Variants in SNTG1 observed in about 807,000 individuals in gnomAD.
SNTG1 encodes syntrophin gamma 1.
SNTG1 carries 39 observed loss-of-function variants against 74.7 expected under a neutral mutation model. The ratio of observed to expected loss-of-function variants is 0.52; its 90% CI spans 0.40 to 0.68. The LOEUF (loss-of-function observed/expected upper bound fraction) is 0.68, where lower values mean the gene tolerates loss of function less well. Among genes scored for constraint, SNTG1 ranks in the 30% least tolerant of loss-of-function variants. The pLI, the probability that SNTG1 is intolerant of heterozygous loss-of-function variation, is 0.00. For missense variants in SNTG1, 685 were observed against 609.5 expected (o/e 1.12, Z -1.30); for synonymous variants, 254 against 217.1 (o/e 1.17, Z -1.49).
At chr8:50,105,279 A>G (rs1273434674) in intron 1 of SNTG1, among the ~76,000 whole-genome samples, 1 of 152,150 alleles carries the variant, frequency 6.6e-6, no homozygotes, top group Non-Finnish European at 1.5e-5. Context: ...TCATTTATTG[A>G]ATAGGAAGTT....
At position 50,150,612 on chromosome 8, in the gene SNTG1, G is replaced by T. The variant is rs554584551; in HGVS notation, c.-102-21949G>T. ...AGAGTTTTTAGCATGAAGGGTTGTT[G>T]AATTTTGTCAAAGGCCTTTTCTGCA... On this transcript the variant is annotated intron_variant, in intron 1 of 18. Coordinates refer to ENST00000642720, the MANE Select transcript of SNTG1 (RefSeq NM_018967.5). 1.2e-3 allele frequency among the ~76,000 whole-genome samples: 184 copies of T among 152,260 alleles called. 2 individuals are homozygous for T. The highest frequency in any genetic ancestry group is 4.2e-3 in the African/African-American group (176 of 41,556).
intron 1 of SNTG1, among the ~76,000 whole-genome samples, chr8:50,105,134 G>A (rs533715499): frequency 1.3e-5 from 2 of 151,940 alleles, no homozygotes; most frequent in Non-Finnish European, 2.9e-5. Context: ...CCATTCCTAG[G>A]TTACTTTCCA....
chr8:50,081,017 A>G (rs1316530390), intron 1 of SNTG1, among the ~76,000 whole-genome samples: 1 of 152,152 alleles, frequency 6.6e-6, no homozygotes, highest in African/African-American at 2.4e-5. Flanking sequence ...AACTCCAATT[A>G]CAGTGTCATG....
rs1338841924 is a variant in SNTG1, at chr8:50,793,989, T to C, written c.*1160T>C. Reference sequence around the variant, plus strand: ...AATGTAAATGTGAAAGGCTGGGAAATTTGAAAGCCTTAGAGGTGTGCAATT... The same window carrying C: ...AATGTAAATGTGAAAGGCTGGGAAACTTGAAAGCCTTAGAGGTGTGCAATT... On this transcript the variant is annotated 3_prime_UTR_variant, in exon 19 of 19. Coordinates refer to ENST00000642720, the MANE Select transcript of SNTG1 (RefSeq NM_018967.5). 6 of 151,850 alleles carry C rather than the reference T, an allele frequency of 4.0e-5. No individual in the cohort carries two copies. The highest frequency in any genetic ancestry group is 7.4e-5 in the Non-Finnish European group (5 of 67,880). The allele number at this position is 151,850 out of a possible 1,614,324, so 9.4% of individuals were successfully genotyped here.
intron 3 of SNTG1, among the ~76,000 whole-genome samples, chr8:50,394,536 G>C (rs1026692863): frequency 7.9e-5 from 12 of 152,226 alleles, no homozygotes; most frequent in African/African-American, 2.9e-4. Context: ...GCACATTTCA[G>C]GTAGTGGAAG....
intron 12 of SNTG1, among the ~76,000 whole-genome samples, chr8:50,561,556 T>C (rs1245195672): frequency 1.3e-5 from 2 of 152,120 alleles, no homozygotes; most frequent in African/African-American, 4.8e-5. Context: ...TAAAAAAGTT[T>C]AATGCACTAG....
At chr8:50,108,274 C>G (rs2080455824) in intron 1 of SNTG1, among the ~76,000 whole-genome samples, 1 of 152,128 alleles carries the variant, frequency 6.6e-6, no homozygotes, top group Non-Finnish European at 1.5e-5. Context: ...ATTTATTAGA[C>G]TTGACATGCT....
intron 18 of SNTG1, among the ~76,000 whole-genome samples, chr8:50,791,482 C>T (rs375829809): frequency 5.3e-5 from 8 of 151,768 alleles, no homozygotes; most frequent in African/African-American, 9.6e-5. Flanking sequence ...TATGGGGTAT[C>T]GTACTCCTGT....
intron 12 of SNTG1, among the ~76,000 whole-genome samples, chr8:50,558,942 A>G (rs1211953526): frequency 1.3e-5 from 2 of 152,198 alleles, no homozygotes; most frequent in Non-Finnish European, 2.9e-5. Flanking sequence ...TGTGTCAGAT[A>G]CTGTGTTCTA....
intron 15 of SNTG1, among the ~76,000 whole-genome samples, chr8:50,660,263 A>AAAGAAGGAAGGAAAGAAGGAGGGAAG: frequency 7.0e-6 from 1 of 143,548 alleles, no homozygotes; most frequent in African/African-American, 2.9e-5. Flanking sequence ...GGAGGGAAGG[A>AAAGAAGGAAGGAAAGAAGGAGGGAAG]GAGAGAGAGA....
At chr8:50,001,362 C>G (rs528478855) in intron 1 of SNTG1, among the ~76,000 whole-genome samples, 1 of 152,128 alleles carries the variant, frequency 6.6e-6, no homozygotes, top group Admixed American at 6.5e-5. Context: ...TTTCTCAGGA[C>G]AGCACTTTTA....
rs541010459 is a variant in SNTG1 at position 50,217,876 on chromosome 8, G to A, written c.-28+45241G>A. On this transcript the variant is annotated intron_variant, in intron 2 of 18. Coordinates refer to ENST00000642720, the MANE Select transcript of SNTG1 (RefSeq NM_018967.5). ...GATGTGAGGATGAGGAGGAAAGACT[G>A]TAGACTGCATTCATTCTGAGCCATG... Among the ~76,000 whole-genome samples, 30 of 152,266 alleles carry A rather than the reference G, an allele frequency of 2.0e-4. 1 individual carries two copies. The South Asian group carries it at 6.2e-3, about 32-fold the overall frequency.
chr8:50,697,768 G>T (rs2095410245), intron 15 of SNTG1, among the ~76,000 whole-genome samples: 1 of 152,082 alleles, frequency 6.6e-6, no homozygotes, highest in East Asian at 1.9e-4. Context: ...AATCATTCTT[G>T]CATCTCTGGT....
chr8:50,588,961 AGTT>A (rs144119744), intron 12 of SNTG1, among the ~76,000 whole-genome samples: 1,896 of 152,072 alleles, frequency 0.012, 40 homozygotes, highest in African/African-American at 0.042. Flanking sequence ...ATTTTATTCT[AGTT>A]GTTGGCATAT....
At position 50,569,533 on chromosome 8, in the gene SNTG1, A is replaced by AAAAC. The variant is rs199624460; in HGVS notation, c.810+16362_810+16365dup. Among the ~76,000 whole-genome samples the AAAAC allele has an allele frequency of 5.1e-3, 771 of 150,338 alleles. 6 individuals are homozygous for AAAAC. Among genetic ancestry groups the AAAAC allele is most frequent in the African/African-American group, 0.018 (716 of 40,224 alleles). On this transcript the variant is annotated intron_variant, in intron 12 of 18. Coordinates refer to ENST00000642720, the MANE Select transcript of SNTG1 (RefSeq NM_018967.5). Reference sequence around the variant, plus strand: ...AAGCAAAAAAAAAATCAAAAAACAAAAAACAAACAAAAAACAAAAAAAAAA... The same window carrying AAAAC: ...AAGCAAAAAAAAAATCAAAAAACAAAAAACAAACAAACAAAAAACAAAAAAAAAA...
At chr8:50,144,804 A>C (rs2081798771) in intron 1 of SNTG1, among the ~76,000 whole-genome samples, 1 of 152,124 alleles carries the variant, frequency 6.6e-6, no homozygotes, top group Non-Finnish European at 1.5e-5. Context: ...TTTTTATATA[A>C]AGGAAAGGGA....
chr8:50,723,387 G>T (rs1158759694), intron 17 of SNTG1, among the ~76,000 whole-genome samples: 1 of 152,080 alleles, frequency 6.6e-6, no homozygotes, highest in African/African-American at 2.4e-5. Flanking sequence ...CCAAATTCAA[G>T]GTCCTTTGAC....
At chr8:50,176,028 T>C (rs1399238899) in intron 2 of SNTG1, among the ~76,000 whole-genome samples, 1 of 152,198 alleles carries the variant, frequency 6.6e-6, no homozygotes, top group Non-Finnish European at 1.5e-5. Flanking sequence ...CTGCCCTCTC[T>C]GCCTGGCTAG....
At chr8:50,707,207 T>A (rs2095446216) in intron 16 of SNTG1, among the ~76,000 whole-genome samples, 1 of 152,026 alleles carries the variant, frequency 6.6e-6, no homozygotes, top group African/African-American at 2.4e-5. Flanking sequence ...AATAAAAAAA[T>A]TTTAATACAC....
Sources: gnomAD v4.1 joint callset for allele counts (sites outside exome capture counted in the v4.1 genomes callset) on GRCh38, gnomAD v4.1.1 for gene constraint, MANE v1.5 for transcripts, NCBI Gene and HGNC (gene_info 2026-07-23, HGNC 2026-07-21) for gene names.